The following TEC variants were observed in gnomAD, a reference collection of about 807,000 sequenced individuals.
The protein encoded by TEC is tyrosine-protein kinase Tec.
Under a neutral mutation model 93.0 loss-of-function variants are expected in TEC, and 72 were observed. That is an observed-to-expected ratio of 0.77 (90% CI 0.64 to 0.94). The LOEUF (loss-of-function observed/expected upper bound fraction) is 0.94. TEC is among the 40% of genes least tolerant of loss of function. TEC has a pLI of 0.00. For synonymous variants in TEC, 249 were observed against 247.7 expected (o/e 1.01, Z -0.05); for missense variants, 630 against 757.9 (o/e 0.83, Z 1.98).
intron 1 of TEC, among the ~76,000 whole-genome samples, chr4:48,256,544 G>A (rs1048816470): frequency 7.4e-6 from 1 of 135,658 alleles, no homozygotes; most frequent in African/African-American, 2.7e-5. Flanking sequence ...GCAGTGAGCT[G>A]ATATTGTGCC....
chr4:48,159,549 C>T (rs1334555314), intron 8 of TEC, among the ~76,000 whole-genome samples: 2 of 149,428 alleles, frequency 1.3e-5, no homozygotes, highest in Admixed American at 6.6e-5. Context: ...CATGCCACCA[C>T]GCTAATTTTT....
rs879858898 is a variant in TEC at position 48,141,163 on chromosome 4, TAC to T, written c.1535+190_1535+191del. ...TAGAAATCTAATCCACACCAGGAAATACAGTGTATTTAACAGGCTATACTACC... is the reference window on the plus strand; with the variant it reads ...TAGAAATCTAATCCACACCAGGAAATAGTGTATTTAACAGGCTATACTACC... On this transcript the variant is annotated intron_variant, in intron 15 of 17. Coordinates refer to ENST00000381501, the MANE Select transcript of TEC (RefSeq NM_003215.3). Among the ~76,000 whole-genome samples, 10 of 152,090 alleles carry T rather than the reference TAC, an allele frequency of 6.6e-5. No homozygotes were observed. In the East Asian group the frequency reaches 7.7e-4, roughly 12 times the overall value.
rs1577677176 is a variant in TEC, at chr4:48,261,506, G to T, written c.-46+8246C>A. ...GGGCAGTCATATGGAAATCCCACAA[G>T]TCGTGGTTGAAACATAATATTGAGG... On this transcript the variant is annotated intron_variant, in intron 1 of 17. Coordinates refer to ENST00000381501, the MANE Select transcript of TEC (RefSeq NM_003215.3). Among the ~76,000 whole-genome samples the T allele has an allele frequency of 2.0e-5, 3 of 152,306 alleles. No individual in the cohort carries two copies. The South Asian group carries it at 6.2e-4, about 32-fold the overall frequency.
chr4:48,269,326 T>C (rs1724721635), intron 1 of TEC, among the ~76,000 whole-genome samples: 2 of 152,248 alleles, frequency 1.3e-5, no homozygotes, highest in African/African-American at 2.4e-5. Flanking sequence ...ATCTCGACAC[T>C]GCCAAATTTC....
At chr4:48,258,445 AT>A (rs1461415706) in intron 1 of TEC, among the ~76,000 whole-genome samples, 5 of 152,004 alleles carry the variant, frequency 3.3e-5, no homozygotes, top group Non-Finnish European at 7.4e-5. Context: ...CCAGCCCTAA[AT>A]GCATTCTTTA....
intron 1 of TEC, among the ~76,000 whole-genome samples, chr4:48,265,391 G>A (rs1724606742): frequency 6.7e-6 from 1 of 148,200 alleles, no homozygotes; most frequent in African/African-American, 2.5e-5. Flanking sequence ...ATATATATGT[G>A]TGTGTATATG....
intron 2 of TEC, among the ~76,000 whole-genome samples, chr4:48,203,666 A>AAT (rs1472705848): frequency 1.3e-5 from 2 of 152,208 alleles, no homozygotes; most frequent in Non-Finnish European, 2.9e-5. Context: ...ATAAAGAACC[A>AAT]ATATTTCCAC....
chr4:48,246,036 G>T (rs963907341), intron 1 of TEC, among the ~76,000 whole-genome samples: 7 of 152,148 alleles, frequency 4.6e-5, no homozygotes, highest in African/African-American at 1.4e-4. Flanking sequence ...TTGAACATGG[G>T]AGGTAGAGAG....
chr4:48,249,252 C>T (rs1163434174), intron 1 of TEC, among the ~76,000 whole-genome samples: 1 of 152,126 alleles, frequency 6.6e-6, no homozygotes, highest in East Asian at 1.9e-4. Flanking sequence ...TAAATAAAGC[C>T]TTAGTAAAGG....
intron 1 of TEC, among the ~76,000 whole-genome samples, chr4:48,256,086 G>T (rs1724333294): frequency 6.6e-6 from 1 of 152,124 alleles, no homozygotes; most frequent in South Asian, 2.1e-4. Context: ...TGACTCCAAG[G>T]TAAACTACCA....
chr4:48,238,684 ATATATGTATATAAATTTATATATT>A (rs1342873519), intron 1 of TEC, among the ~76,000 whole-genome samples: 1 of 149,662 alleles, frequency 6.7e-6, no homozygotes, highest in Non-Finnish European at 1.5e-5. Context: ...GTAAATTTAT[ATATATGTATATAAATTTATATATT>A]TATATGTATT....
In TEC at chr4:48,146,712, T is replaced by C. The variant is rs149162191; in HGVS notation, c.1007-313A>G. ...GAACTATGAAAGGGAATTAGATTAG[T>C]CTGCTAAAAATGGAAGTTATTCACC... On this transcript the variant is annotated intron_variant, in intron 11 of 17. Coordinates refer to ENST00000381501, the MANE Select transcript of TEC (RefSeq NM_003215.3). 5.8e-3 allele frequency among the ~76,000 whole-genome samples: 883 copies of C among 152,310 alleles called. 6 individuals carry two copies. The highest frequency in any genetic ancestry group is 0.027 in the Middle Eastern group (8 of 294).
At chr4:48,159,359 G>A (rs973304693) in intron 8 of TEC, among the ~76,000 whole-genome samples, 1 of 152,138 alleles carries the variant, frequency 6.6e-6, no homozygotes, top group African/African-American at 2.4e-5. Flanking sequence ...TGGCAAGACA[G>A]AGAAAGCAAG....
At chr4:48,165,981 C>T (rs1447102450) in intron 7 of TEC, among the ~76,000 whole-genome samples, 1 of 152,156 alleles carries the variant, frequency 6.6e-6, no homozygotes, top group African/African-American at 2.4e-5. Context: ...ACCTGTGTTC[C>T]CATGCTCCTT....
chr4:48,204,774 A>C (rs1722647522), intron 2 of TEC, among the ~76,000 whole-genome samples: 1 of 152,192 alleles, frequency 6.6e-6, no homozygotes, highest in Non-Finnish European at 1.5e-5. Context: ...TCTAATGCCA[A>C]CACTGATCTG....
At chr4:48,240,166 T>C (rs866635284) in intron 1 of TEC, among the ~76,000 whole-genome samples, 10 of 152,216 alleles carry the variant, frequency 6.6e-5, no homozygotes, top group African/African-American at 2.4e-4. Flanking sequence ...TATTGAAGTT[T>C]AGTGATAAAT....
Position 48,137,334 on chromosome 4 carries a change from C to A in TEC, c.*82G>T. The A allele has an allele frequency of 2.7e-6, 3 of 1,090,950 alleles. No homozygotes were observed. The highest frequency in any genetic ancestry group is 4.1e-6 in the Non-Finnish European group (3 of 723,222). 67.6% of individuals were successfully genotyped at this position (1,090,950 alleles called of 1,614,324 possible). ...GTATAAGTAAAATGATCTACATGTCCAAGTGCTCAATAAATTAAAAGCCAC... is the reference window on the plus strand; with the variant it reads ...GTATAAGTAAAATGATCTACATGTCAAAGTGCTCAATAAATTAAAAGCCAC... On this transcript the variant is annotated 3_prime_UTR_variant, in exon 18 of 18. Transcript: ENST00000381501.
chr4:48,179,338 G>GTATATATATATATATATATA (rs61241595), intron 2 of TEC, among the ~76,000 whole-genome samples: 2 of 51,658 alleles, frequency 3.9e-5, no homozygotes, highest in African/African-American at 1.9e-4. Flanking sequence ...GACGTGGGTA[G>GTATATATATATATATATATA]TATATATATA....
intron 15 of TEC, among the ~76,000 whole-genome samples, chr4:48,140,129 G>A (rs1278985076): frequency 1.3e-5 from 2 of 152,144 alleles, no homozygotes; most frequent in African/African-American, 4.8e-5. Context: ...GGAAGTTCTG[G>A]TCCCATTTCT....
Sources: gnomAD v4.1 joint callset for allele counts (sites outside exome capture counted in the v4.1 genomes callset) on GRCh38, gnomAD v4.1.1 for gene constraint, MANE v1.5 for transcripts, NCBI Gene and HGNC (gene_info 2026-07-23, HGNC 2026-07-21) for gene names.